Variants in PPM1L observed in about 807,000 individuals in gnomAD.
The protein encoded by PPM1L is protein phosphatase, Mg2+/Mn2+ dependent 1L, also known as protein phosphatase 1L.
A neutral mutation model predicts 31.4 loss-of-function variants in PPM1L; 13 were observed. The ratio of observed to expected loss-of-function variants is 0.41; its 90% CI spans 0.27 to 0.66. PPM1L has a LOEUF of 0.66. Among genes scored for constraint, PPM1L ranks in the 30% least tolerant of loss-of-function variants. PPM1L has a pLI of 0.29. For missense variants in PPM1L, 326 were observed against 453.7 expected (o/e 0.72, Z 2.56); for synonymous variants, 184 against 175.4 (o/e 1.05, Z -0.39).
At chr3:161,017,750 C>T (rs1389459468) in intron 2 of PPM1L, among the ~76,000 whole-genome samples, 1 of 152,124 alleles carries the variant, frequency 6.6e-6, no homozygotes, top group Non-Finnish European at 1.5e-5. Context: ...AGACCTGGGG[C>T]AGTTCTTGTC....
At chr3:160,962,873 C>G (rs1256785380) in intron 2 of PPM1L, among the ~76,000 whole-genome samples, 1 of 151,942 alleles carries the variant, frequency 6.6e-6, no homozygotes, top group African/African-American at 2.4e-5. Flanking sequence ...TAAGCTGCCC[C>G]CATGTATATT....
chr3:160,797,220 A>G (rs1712274149), intron 1 of PPM1L, among the ~76,000 whole-genome samples: 1 of 152,048 alleles, frequency 6.6e-6, no homozygotes, highest in South Asian at 2.1e-4. Context: ...CATTATTATT[A>G]TTATATCTGT....
rs894589541 is a variant in PPM1L at position 161,070,384 on chromosome 3, C to T, written c.*1227C>T. The T allele has an allele frequency of 3.3e-5, 5 of 152,154 alleles. No homozygotes were observed. The highest frequency in any genetic ancestry group is 1.2e-4 in the African/African-American group (5 of 41,432). The allele number at this position is 152,154 out of a possible 1,614,324, so 9.4% of individuals were successfully genotyped here. A position where few individuals can be genotyped will look rare whatever the true frequency, so the allele number is the denominator to read the frequency against. ...TCCATCCACATCAGGGAGCTTTCCCCAGGCAAATACAAACCGCCCCGTGGC... is the reference window on the plus strand; with the variant it reads ...TCCATCCACATCAGGGAGCTTTCCCTAGGCAAATACAAACCGCCCCGTGGC... On this transcript the variant is annotated 3_prime_UTR_variant, in exon 4 of 4. Coordinates refer to ENST00000498165, the MANE Select transcript of PPM1L (RefSeq NM_139245.4).
intron 1 of PPM1L, among the ~76,000 whole-genome samples, chr3:160,825,333 A>G (rs568151329): frequency 9.8e-5 from 15 of 152,320 alleles, no homozygotes; most frequent in African/African-American, 3.6e-4. Context: ...ATGATGATTG[A>G]TAAAAATTTT....
At chr3:160,798,131 T>C (rs781369376) in intron 1 of PPM1L, among the ~76,000 whole-genome samples, 2 of 151,980 alleles carry the variant, frequency 1.3e-5, no homozygotes, top group Admixed American at 6.6e-5. Flanking sequence ...TGAGCCGAGA[T>C]CACGCCATTG....
intron 2 of PPM1L, among the ~76,000 whole-genome samples, chr3:160,975,254 C>G (rs531212163): frequency 2.0e-5 from 3 of 152,044 alleles, no homozygotes; most frequent in Middle Eastern, 3.4e-3. Flanking sequence ...GTACCAGTAC[C>G]ATGCTCTTTT....
Position 160,946,421 on chromosome 3 carries a change from C to T in PPM1L, c.400-15315C>T, listed in dbSNP as rs543521880. 2.6e-5 allele frequency among the ~76,000 whole-genome samples: 4 copies of T among 152,172 alleles called. No homozygotes were observed. The East Asian group carries it at 7.7e-4, about 29-fold the overall frequency. ...TACATGGTAGCTGTTAAATGTATGC[C>T]TTCAGAGAGCTCCGCCAACCCACAT... On this transcript the variant is annotated intron_variant, in intron 1 of 3. Transcript: ENST00000498165.
chr3:161,050,422 G>A (rs1243036970), intron 2 of PPM1L, among the ~76,000 whole-genome samples: 2 of 152,004 alleles, frequency 1.3e-5, no homozygotes, highest in Non-Finnish European at 2.9e-5. Flanking sequence ...GAGTCATATT[G>A]TATCTAGGAA....
At chr3:161,057,420 C>G (rs536895906) in intron 2 of PPM1L, among the ~76,000 whole-genome samples, 2 of 152,228 alleles carry the variant, frequency 1.3e-5, no homozygotes, top group South Asian at 4.2e-4. Flanking sequence ...GAAAACACTT[C>G]ACGACTCATA....
chr3:160,758,124 C>A (rs190319320), intron 1 of PPM1L, among the ~76,000 whole-genome samples: 1 of 152,196 alleles, frequency 6.6e-6, no homozygotes, highest in East Asian at 1.9e-4. Flanking sequence ...ATTGTTTTTT[C>A]AGAATGCAGG....
intron 1 of PPM1L, among the ~76,000 whole-genome samples, chr3:160,785,649 C>G (rs1383543090): frequency 6.6e-6 from 1 of 152,100 alleles, no homozygotes; most frequent in East Asian, 1.9e-4. Context: ...CTGTGGACTT[C>G]TTCACTTCAT....
At chr3:161,035,762 C>T (rs1718723961) in intron 2 of PPM1L, 1 of 152,214 alleles carries the variant, frequency 6.6e-6, no homozygotes, top group Admixed American at 6.5e-5. Flanking sequence ...AGTTTCTGGA[C>T]ATTCCCAATA....
intron 1 of PPM1L, among the ~76,000 whole-genome samples, chr3:160,760,236 T>C (rs1714933344): frequency 6.6e-6 from 1 of 152,236 alleles, no homozygotes; most frequent in Admixed American, 6.5e-5. Context: ...ATTTTCTTAC[T>C]AGTCAAAAGG....
At chr3:161,057,012 G>A (rs1041220744) in intron 2 of PPM1L, among the ~76,000 whole-genome samples, 6 of 151,982 alleles carry the variant, frequency 3.9e-5, no homozygotes, top group African/African-American at 1.4e-4. Flanking sequence ...GCAGTGAGCC[G>A]AGATCGCGCC....
chr3:161,069,231 T>C lies in PPM1L; in HGVS notation c.*74T>C, dbSNP rs1281806361. Reference sequence around the variant, plus strand: ...TGGTCTCTTTTAATTTAGTGAAAAGTGTGGGAGTTGTAATTAGGATCATCC... The same window carrying C: ...TGGTCTCTTTTAATTTAGTGAAAAGCGTGGGAGTTGTAATTAGGATCATCC... On this transcript the variant is annotated 3_prime_UTR_variant, in exon 4 of 4. Coordinates refer to ENST00000498165, the MANE Select transcript of PPM1L (RefSeq NM_139245.4). 1.7e-6 allele frequency: 2 copies of C among 1,146,974 alleles called. No individual in the cohort carries two copies. The highest frequency in any genetic ancestry group is 2.6e-5 in the Admixed American group (1 of 37,998). 71.0% of individuals were successfully genotyped at this position (1,146,974 alleles called of 1,614,324 possible).
chr3:160,881,101 C>T (rs1444007535), intron 1 of PPM1L, among the ~76,000 whole-genome samples: 1 of 152,174 alleles, frequency 6.6e-6, no homozygotes, highest in Non-Finnish European at 1.5e-5. Flanking sequence ...AAATAAAACT[C>T]TCTAAGGTAA....
chr3:160,913,537 G>A (rs1036679835), intron 1 of PPM1L, among the ~76,000 whole-genome samples: 3 of 152,040 alleles, frequency 2.0e-5, no homozygotes, highest in African/African-American at 7.2e-5. Flanking sequence ...AATGTTTCTT[G>A]TGCCCCTTCC....
chr3:160,850,765 A>C (rs1164871044), intron 1 of PPM1L, among the ~76,000 whole-genome samples: 1 of 152,184 alleles, frequency 6.6e-6, no homozygotes, highest in Admixed American at 6.5e-5. Flanking sequence ...GCTGGCAGGG[A>C]ATAGGTCTGC....
intron 1 of PPM1L, among the ~76,000 whole-genome samples, chr3:160,930,736 G>A (rs549826457): frequency 1.3e-5 from 2 of 152,232 alleles, no homozygotes; most frequent in African/African-American, 4.8e-5. Flanking sequence ...GCATGCTGTG[G>A]GTCTGCATGT....
Sources: gnomAD v4.1 joint callset for allele counts (sites outside exome capture counted in the v4.1 genomes callset) on GRCh38, gnomAD v4.1.1 for gene constraint, MANE v1.5 for transcripts, NCBI Gene and HGNC (gene_info 2026-07-23, HGNC 2026-07-21) for gene names.